Variants in LRRC4C observed in about 807,000 individuals in gnomAD.
LRRC4C encodes the protein leucine-rich repeat-containing protein 4C.
LRRC4C carries 5 observed loss-of-function variants against 33.6 expected under a neutral mutation model. That is an observed-to-expected ratio of 0.15 (90% CI 0.08 to 0.31). LRRC4C has a LOEUF of 0.31. Ranked by LOEUF, LRRC4C falls within the 10% of genes least tolerant of loss-of-function variation. The probability of loss-of-function intolerance (pLI) is 1.00; values close to 1 mark genes in which losing one functional copy is unlikely to be tolerated. For missense variants in LRRC4C, 560 were observed against 796.7 expected, an observed-to-expected ratio of 0.70 and a Z score of 3.58; for synonymous variants, 329 against 302.0, an observed-to-expected ratio of 1.09 and a Z score of -0.93.
intron 1 of LRRC4C, among the ~76,000 whole-genome samples, chr11:41,014,419 A>G (rs139200280): frequency 6.6e-6 from 1 of 151,968 alleles, no homozygotes; most frequent in Non-Finnish European, 1.5e-5. Flanking sequence ...ATAGGAAGCA[A>G]TAAATGGTAC....
chr11:40,641,280 T>C (rs1014620777), intron 3 of LRRC4C, among the ~76,000 whole-genome samples: 3 of 152,150 alleles, frequency 2.0e-5, no homozygotes, highest in Non-Finnish European at 2.9e-5. Flanking sequence ...TGAATTTCTA[T>C]AAAATGAAGT....
intron 1 of LRRC4C, among the ~76,000 whole-genome samples, chr11:41,323,889 A>G (rs941830944): frequency 1.3e-5 from 2 of 152,206 alleles, no homozygotes; most frequent in Non-Finnish European, 2.9e-5. Context: ...ATATAAGGGG[A>G]CTATTTCATT....
At chr11:41,428,100 G>A (rs560523516) in intron 1 of LRRC4C, among the ~76,000 whole-genome samples, 5 of 152,268 alleles carry the variant, frequency 3.3e-5, no homozygotes, top group African/African-American at 1.2e-4. Context: ...CTGTTTGGTG[G>A]TCTCTTCACA....
intron 1 of LRRC4C, among the ~76,000 whole-genome samples, chr11:41,396,119 G>A (rs1221208196): frequency 1.3e-5 from 2 of 151,806 alleles, no homozygotes; most frequent in African/African-American, 4.8e-5. Context: ...CTTCCAATGT[G>A]GCCCAGGGAA....
intron 2 of LRRC4C, among the ~76,000 whole-genome samples, chr11:40,817,672 C>G (rs897899902): frequency 1.2e-4 from 18 of 152,116 alleles, no homozygotes; most frequent in Non-Finnish European, 2.1e-4. Flanking sequence ...AGTCAGAAAC[C>G]TGGTAATCAC....
At chr11:41,246,113 C>A (rs1432635887) in intron 1 of LRRC4C, among the ~76,000 whole-genome samples, 1 of 152,152 alleles carries the variant, frequency 6.6e-6, no homozygotes, top group East Asian at 1.9e-4. Flanking sequence ...AGCCTGTCAC[C>A]TCCTGCTGCC....
At chr11:41,109,210 T>C (rs1375187119) in intron 1 of LRRC4C, among the ~76,000 whole-genome samples, 3 of 152,058 alleles carry the variant, frequency 2.0e-5, no homozygotes, top group Non-Finnish European at 4.4e-5. Flanking sequence ...TTTTCTACTA[T>C]ATAATTGGAG....
chr11:40,957,962 G>T (rs1959035413), intron 1 of LRRC4C, among the ~76,000 whole-genome samples: 1 of 149,704 alleles, frequency 6.7e-6, no homozygotes, highest in Non-Finnish European at 1.5e-5. Flanking sequence ...ACTATTAGGA[G>T]GTGGGGTCTT....
At chr11:40,447,440 A>G (rs1157730706) in intron 3 of LRRC4C, among the ~76,000 whole-genome samples, 1 of 152,170 alleles carries the variant, frequency 6.6e-6, no homozygotes, top group African/African-American at 2.4e-5. Flanking sequence ...TATTTATCTC[A>G]ACTAAATTGC....
At chr11:40,633,500 T>A (rs1216200044) in intron 3 of LRRC4C, among the ~76,000 whole-genome samples, 1 of 151,752 alleles carries the variant, frequency 6.6e-6, no homozygotes, top group Non-Finnish European at 1.5e-5. Flanking sequence ...GTGATTCTCC[T>A]GCCTCAGCCC....
At chr11:40,375,119 T>C (rs1322780818) in intron 3 of LRRC4C, among the ~76,000 whole-genome samples, 1 of 152,202 alleles carries the variant, frequency 6.6e-6, no homozygotes, top group African/African-American at 2.4e-5. Context: ...ATATAGCTGA[T>C]GGAGTTATTA....
chr11:40,631,464 T>C (rs1963471989), intron 3 of LRRC4C, among the ~76,000 whole-genome samples: 2 of 152,180 alleles, frequency 1.3e-5, no homozygotes, highest in African/African-American at 2.4e-5. Flanking sequence ...AGCTCAATAC[T>C]GTAACAGACA....
chr11:41,435,364 AG>A, intron 1 of LRRC4C, among the ~76,000 whole-genome samples: 1 of 152,366 alleles, frequency 6.6e-6, no homozygotes, highest in Admixed American at 6.5e-5. Context: ...GATACAAATC[AG>A]GAATGCAATC....
In LRRC4C at chr11:40,166,084, G is replaced by T. The variant is rs115193169; in HGVS notation, c.-95-25231C>A. On this transcript the variant is annotated intron_variant, in intron 5 of 6. Transcript: ENST00000528697. ...ATTCATGCCATATGACCCAGCAATTGCTGTCGTAGGTATCTATAACCAGTA... is the reference window on the plus strand; with the variant it reads ...ATTCATGCCATATGACCCAGCAATTTCTGTCGTAGGTATCTATAACCAGTA... Among the ~76,000 whole-genome samples, 390 of 152,296 alleles carry T rather than the reference G, an allele frequency of 2.6e-3. 1 individual carries two copies. Among genetic ancestry groups the T allele is most frequent in the African/African-American group, 8.9e-3 (372 of 41,580 alleles).
intron 3 of LRRC4C, among the ~76,000 whole-genome samples, chr11:40,641,091 AG>A (rs1168872140): frequency 1.3e-5 from 2 of 152,034 alleles, no homozygotes; most frequent in Admixed American, 6.6e-5. Context: ...ATAATAGGAT[AG>A]TCTTCAGTTA....
chr11:40,518,341 A>G (rs1173366715), intron 3 of LRRC4C, among the ~76,000 whole-genome samples: 1 of 152,220 alleles, frequency 6.6e-6, no homozygotes, highest in Non-Finnish European at 1.5e-5. Context: ...GAATGGGAGA[A>G]CATTTTTGCA....
intron 1 of LRRC4C, among the ~76,000 whole-genome samples, chr11:41,350,952 G>A (rs913857799): frequency 6.6e-6 from 1 of 152,136 alleles, no homozygotes; most frequent in Admixed American, 6.6e-5. Flanking sequence ...TATAGAGGCT[G>A]GGTGTGGTGG....
intron 1 of LRRC4C, among the ~76,000 whole-genome samples, chr11:41,080,536 A>G (rs1367926503): frequency 6.6e-6 from 1 of 151,790 alleles, no homozygotes; most frequent in Non-Finnish European, 1.5e-5. Flanking sequence ...TATTTTTAGT[A>G]GAGACGGAGT....
At chr11:41,200,906 G>A (rs1310405130) in intron 1 of LRRC4C, among the ~76,000 whole-genome samples, 1 of 152,314 alleles carries the variant, frequency 6.6e-6, no homozygotes, top group East Asian at 1.9e-4. Flanking sequence ...CCACTGAAGT[G>A]GGGGTGAATA....
Sources: allele counts gnomAD v4.1 joint callset (sites outside exome capture counted in the v4.1 genomes callset), GRCh38; gene constraint gnomAD v4.1.1; transcripts MANE v1.5; gene names NCBI Gene and HGNC (gene_info 2026-07-23, HGNC 2026-07-21).